The following CLIC3 variants were observed in gnomAD, a reference collection of about 807,000 sequenced individuals.
CLIC3 encodes chloride intracellular channel protein 3.
Under a neutral mutation model 19.9 loss-of-function variants are expected in CLIC3, and 29 were observed. The ratio of observed to expected loss-of-function variants is 1.46; its 90% CI spans 1.09 to 1.99. The LOEUF (loss-of-function observed/expected upper bound fraction) is 1.99, where lower values mean the gene tolerates loss of function less well. CLIC3 is among the 30% of genes most tolerant of loss of function. The probability of loss-of-function intolerance (pLI) is 0.00; values close to 1 mark genes in which losing one functional copy is unlikely to be tolerated. For synonymous variants in CLIC3, 143 were observed against 156.4 expected (o/e 0.91, Z 0.64); for missense variants, 365 against 342.6 (o/e 1.07, Z -0.52).
chr9:136,995,780 G>C (rs951180183), intron 1 of CLIC3, 23 bp from the exon 2 acceptor site: 1 of 1,475,016 alleles, frequency 6.8e-7, no homozygotes, highest in South Asian at 1.3e-5. Flanking sequence ...AGCGGGGGTG[G>C]GGGGTCAGGG....
chr9:136,995,292 G>A lies in CLIC3; in HGVS notation c.270C>T (p.Asp90=). The change falls in exon 4 of 6, where the codon GAC becomes GAT. Residue 90 remains aspartate, a splice_region_variant and synonymous_variant. Transcript: ENST00000494426. ...TGTAACGAGGCGCCAGGCTGGGGAA[G>A]CTGCGGGATGAGGGGGTGGGACTCC... is the stretch of plus-strand genomic sequence containing the variant. ...DFLEETLGPP[D]FPSLAPRYRE... 1 of 1,612,300 alleles carries A rather than the reference G, an allele frequency of 6.2e-7. No individual in the cohort carries two copies. The highest frequency in any genetic ancestry group is 8.5e-7 in the Non-Finnish European group (1 of 1,179,606).
At chr9:136,995,780 G>A (rs951180183) in intron 1 of CLIC3, 23 bp from the exon 2 acceptor site, 1 of 1,475,138 alleles carries the variant, frequency 6.8e-7, no homozygotes, top group Non-Finnish European at 9.2e-7. Context: ...AGCGGGGGTG[G>A]GGGGTCAGGG....
chr9:136,994,784 C>T lies in CLIC3; in HGVS notation c.608G>A (p.Arg203His). The T allele has an allele frequency of 1.9e-6, 3 of 1,595,442 alleles. No homozygotes were observed. Among genetic ancestry groups the T allele is most frequent in the Non-Finnish European group, 1.7e-6 (2 of 1,171,772 alleles). ...APIPAELRGV[R>H]RYLDSAMQEK... ...CTGCATCGCGCTGTCCAGGTAGCGG[C>T]GTACGCCGCGCAGCTCCGCGGGGAT... Residue 203 changes from arginine (R) to histidine (H), a missense_variant, in exon 6 of 6, where the codon CGC (arginine) becomes CAC (histidine). Transcript: ENST00000494426.
chr9:136,996,496 G>C lies in CLIC3; in HGVS notation c.33+15C>G, dbSNP rs1310903006. Reference sequence around the variant, plus strand: ...CCTCCCAGACACCCTCCCCGCAGCTGAGTCCGCCCTGCACCTTGACAAACA... The same window carrying C: ...CCTCCCAGACACCCTCCCCGCAGCTCAGTCCGCCCTGCACCTTGACAAACA... On this transcript the variant is annotated intron_variant, in intron 1 of 5. Coordinates refer to ENST00000494426, the MANE Select transcript of CLIC3 (RefSeq NM_004669.3). The C allele has an allele frequency of 1.3e-6, 2 of 1,553,938 alleles. No individual in the cohort carries two copies. Among genetic ancestry groups the C allele is most frequent in the Non-Finnish European group, 8.7e-7 (1 of 1,148,036 alleles).
In CLIC3 at chr9:136,995,503, CGCTGTCATAGA is replaced by C; in HGVS notation, c.197_207del (p.Leu66ArgfsTer178). ...ATCTGCAGCGTGTCTGTCTTGGCGT[CGCTGTCATAGA>C]GCAGGATGGGCAGCTGCGAGCCGGG... is the stretch of plus-strand genomic sequence containing the variant. On this transcript the variant is annotated frameshift_variant, in exon 3 of 6. Coordinates refer to ENST00000494426, the MANE Select transcript of CLIC3 (RefSeq NM_004669.3). LOFTEE classifies it high-confidence loss of function. 3 of 1,612,646 alleles carry C rather than the reference CGCTGTCATAGA, an allele frequency of 1.9e-6. No individual in the cohort carries two copies. The highest frequency in any genetic ancestry group is 2.5e-6 in the Non-Finnish European group (3 of 1,179,886).
chr9:136,994,868 G>A (rs1245774396), intron 5 of CLIC3, 29 bp from the exon 6 acceptor site: 3 of 1,505,164 alleles, frequency 2.0e-6, no homozygotes, highest in Admixed American at 2.2e-5. Context: ...GGCGCGGTCA[G>A]GACCTGCCGT....
chr9:136,995,461 CCT>C lies in CLIC3; in HGVS notation c.248_249del (p.Glu83GlyfsTer164). ...TCTCACTCGGGCGGCCCCAGCGTCT[CCT>C]CCAGAAAGTCCTCGATCTGCAGCGT... ...TDTLQIEDFL[E>X]ETLGPPDFPS... On this transcript the variant is annotated frameshift_variant, in exon 3 of 6. Transcript: ENST00000494426. LOFTEE classifies it high-confidence loss of function. 6.2e-7 allele frequency: 1 copy of C among 1,612,618 alleles called. No individual in the cohort carries two copies. Among genetic ancestry groups the C allele is most frequent in the Non-Finnish European group, 8.5e-7 (1 of 1,179,874 alleles).
chr9:136,995,804 C>T (rs774431255), intron 1 of CLIC3, 47 bp from the exon 2 acceptor site: 1 of 1,301,644 alleles, frequency 7.7e-7, no homozygotes, highest in South Asian at 1.4e-5. Flanking sequence ...GAAGCAGACC[C>T]AGGCATCCTG....
intron 1 of CLIC3, 101 bp from the exon 2 acceptor site, chr9:136,995,858 G>T: frequency 1.3e-6 from 1 of 779,628 alleles, no homozygotes; most frequent in Non-Finnish European, 2.0e-6. Flanking sequence ...CAGTGGGATT[G>T]GAGGGACGCC....
chr9:136,996,548 G>A lies in CLIC3; in HGVS notation c.-5C>T, dbSNP rs745607787. 6 of 1,553,512 alleles carry A rather than the reference G, an allele frequency of 3.9e-6. No individual in the cohort carries two copies. The African/African-American group carries it at 4.1e-5, about 11-fold the overall frequency. On this transcript the variant is annotated 5_prime_UTR_variant, in exon 1 of 6. Coordinates refer to ENST00000494426, the MANE Select transcript of CLIC3 (RefSeq NM_004669.3). The stretch of plus-strand genomic sequence containing the variant: ...CTGGAGCTTGGTCTCCGCCATGGTG[G>A]GAGCTGCCGCGGTCAGGCGCGGGTG...
In CLIC3 at chr9:136,995,648, C is replaced by T; in HGVS notation, c.143G>A (p.Arg48Lys). The T allele has an allele frequency of 1.2e-6, 2 of 1,610,660 alleles. No homozygotes were observed. Among genetic ancestry groups the T allele is most frequent in the Non-Finnish European group, 1.7e-6 (2 of 1,178,752 alleles). Residue 48 changes from arginine (R) to lysine (K), a missense_variant and splice_region_variant, in exon 2 of 6, where the codon AGG becomes AAG. Arg to Lys is a conservative substitution (Grantham distance 26). Coordinates refer to ENST00000494426, the MANE Select transcript of CLIC3 (RefSeq NM_004669.3). ...GGGGGTCCACAGGATGGGGCCTCAC[C>T]TGCGCGTGTCCACCGTGGTGAGGGT... is the stretch of plus-strand genomic sequence containing the variant. The part of the protein sequence containing the change: ...PFTLTTVDTR[R>K]SPDVLKDFAP...
intron 5 of CLIC3, 33 bp downstream of exon 5, chr9:136,994,897 T>TCCG: frequency 6.8e-7 from 1 of 1,471,240 alleles, no homozygotes; most frequent in Non-Finnish European, 8.9e-7. Flanking sequence ...CGCGCCGCGG[T>TCCG]CACCCTCCCG....
chr9:136,995,622 CG>C, intron 2 of CLIC3, 25 bp downstream of exon 2: 3 of 1,608,914 alleles, frequency 1.9e-6, no homozygotes, highest in Middle Eastern at 1.7e-4. Flanking sequence ...CGAGGCCAGG[CG>C]GGGGTCCACA....
chr9:136,995,919 G>A (rs1442904262), intron 1 of CLIC3, among the ~76,000 whole-genome samples, 162 bp from the exon 2 acceptor site: 1 of 152,222 alleles, frequency 6.6e-6, no homozygotes, highest in Non-Finnish European at 1.5e-5. Flanking sequence ...GAGGGCCCTT[G>A]ACTTGGTCCC....
At chr9:136,996,152 C>G (rs916580393) in intron 1 of CLIC3, among the ~76,000 whole-genome samples, 4 of 152,166 alleles carry the variant, frequency 2.6e-5, no homozygotes, top group African/African-American at 9.7e-5. Flanking sequence ...CCCCAGTCCC[C>G]GACCTGAGAG....
intron 3 of CLIC3, 46 bp downstream of exon 3, chr9:136,995,396 C>T (rs968136511): frequency 3.2e-5 from 52 of 1,610,526 alleles, no homozygotes; most frequent in Non-Finnish European, 3.8e-5. Context: ...CGCGCGTCCT[C>T]CCTGGGCCCC....
chr9:136,994,887 C>A, intron 5 of CLIC3, 43 bp downstream of exon 5: 2 of 1,477,598 alleles, frequency 1.4e-6, no homozygotes, highest in South Asian at 1.3e-5. Flanking sequence ...GTCCCCCAGG[C>A]GCGCCGCGGT....
chr9:136,994,760 T>C lies in CLIC3; in HGVS notation c.632A>G (p.Gln211Arg). The change falls in exon 6 of 6, where the codon CAG (glutamine) becomes CGG (arginine). Residue 211 changes from glutamine (Q) to arginine (R), a missense_variant. Coordinates refer to ENST00000494426, the MANE Select transcript of CLIC3 (RefSeq NM_004669.3). ...GVRRYLDSAM[Q>R]EKEFKYTCPH... ...ACACGTGTATTTGAACTCTTTCTCCTGCATCGCGCTGTCCAGGTAGCGGCG... is the reference window on the plus strand; with the variant it reads ...ACACGTGTATTTGAACTCTTTCTCCCGCATCGCGCTGTCCAGGTAGCGGCG... 1 of 1,604,426 alleles carries C rather than the reference T, an allele frequency of 6.2e-7. No homozygotes were observed.
At chr9:136,996,100 C>T (rs866561609) in intron 1 of CLIC3, among the ~76,000 whole-genome samples, 25 of 152,216 alleles carry the variant, frequency 1.6e-4, no homozygotes, top group Non-Finnish European at 1.5e-4. Context: ...GTGATTCACA[C>T]ATGAGACTGG....
Sources: allele counts gnomAD v4.1 joint callset (sites outside exome capture counted in the v4.1 genomes callset), GRCh38; gene constraint gnomAD v4.1.1; transcripts MANE v1.5; gene names NCBI Gene and HGNC (gene_info 2026-07-23, HGNC 2026-07-21).